Variants in PIP5K1B observed in about 807,000 individuals in gnomAD.
PIP5K1B encodes phosphatidylinositol-4-phosphate 5-kinase type 1 beta.
Under a neutral mutation model 67.0 loss-of-function variants are expected in PIP5K1B, and 42 were observed. That is an observed-to-expected ratio of 0.63 (90% CI 0.49 to 0.81). The LOEUF is 0.81. PIP5K1B is among the 30% of genes least tolerant of loss of function. PIP5K1B has a pLI of 0.00. For missense variants in PIP5K1B, 459 were observed against 646.3 expected (o/e 0.71, Z 3.14); for synonymous variants, 214 against 231.4 (o/e 0.92, Z 0.68).
intron 6 of PIP5K1B, among the ~76,000 whole-genome samples, chr9:68,879,275 G>T (rs4745359): frequency 0.93 from 141,431 of 152,254 alleles, 65,827 homozygotes; most frequent in Admixed American, 0.96. Flanking sequence ...CATACAAAAT[G>T]TGAATTAGAC....
chr9:68,858,496 T>C (rs780702176), intron 4 of PIP5K1B, among the ~76,000 whole-genome samples: 1 of 152,194 alleles, frequency 6.6e-6, no homozygotes, highest in Admixed American at 6.5e-5. Flanking sequence ...AAGGTCAGCT[T>C]GCTCAAAGGA....
intron 2 of PIP5K1B, among the ~76,000 whole-genome samples, chr9:68,816,853 T>G (rs1326035963): frequency 6.6e-6 from 1 of 152,050 alleles, no homozygotes; most frequent in Admixed American, 6.6e-5. Flanking sequence ...TAGGGGGAGC[T>G]CTCTTTCATA....
rs1824973840 is a variant in PIP5K1B, at chr9:68,894,436, A to G, written c.569A>G (p.Asn190Ser). Reference protein sequence around the residue: ...GINIRIVVMNNVLPRSMRMHF... With the variant: ...GINIRIVVMNSVLPRSMRMHF... ...AATATCAGGATTGTGGTGATGAACAACGTTTTGCCACGCTCCATGAGAATG... is the reference window on the plus strand; with the variant it reads ...AATATCAGGATTGTGGTGATGAACAGCGTTTTGCCACGCTCCATGAGAATG... The change falls in exon 8 of 16, where the codon AAC (asparagine) becomes AGC (serine). Residue 190 changes from asparagine (N) to serine (S), a missense_variant. Transcript: ENST00000265382. The G allele has an allele frequency of 1.2e-6, 2 of 1,614,106 alleles. No homozygotes were observed. Among genetic ancestry groups the G allele is most frequent in the Non-Finnish European group, 1.7e-6 (2 of 1,179,960 alleles).
intron 2 of PIP5K1B, among the ~76,000 whole-genome samples, chr9:68,815,265 A>T (rs1464598061): frequency 1.5e-4 from 7 of 47,956 alleles, no homozygotes; most frequent in Non-Finnish European, 4.8e-5. Context: ...TTTTGGTACT[A>T]TTAAAAAAAA....
intron 8 of PIP5K1B, among the ~76,000 whole-genome samples, chr9:68,915,293 GGTCATTCATT>G (rs1282846610): frequency 6.6e-6 from 1 of 151,684 alleles, no homozygotes; most frequent in African/African-American, 2.4e-5. Flanking sequence ...ATCTGCAAAT[GGTCATTCATT>G]GTGAAGAGTT....
At chr9:68,977,811 C>T (rs1324703051) in intron 14 of PIP5K1B, among the ~76,000 whole-genome samples, 1 of 151,828 alleles carries the variant, frequency 6.6e-6, no homozygotes, top group Non-Finnish European at 1.5e-5. Flanking sequence ...TGTACCACCA[C>T]ACCCAGCTAA....
chr9:68,822,859 A>G (rs1833797598), intron 4 of PIP5K1B, among the ~76,000 whole-genome samples, 176 bp downstream of exon 4: 1 of 152,198 alleles, frequency 6.6e-6, no homozygotes, highest in South Asian at 2.1e-4. Context: ...GCATTATCTT[A>G]TAGTTCAGTG....
intron 14 of PIP5K1B, among the ~76,000 whole-genome samples, chr9:68,958,628 C>G (rs760583794): frequency 6.6e-6 from 1 of 152,054 alleles, no homozygotes; most frequent in Non-Finnish European, 1.5e-5. Context: ...CTTTTTTTCT[C>G]CTATTCAATC....
At chr9:68,781,010 T>C (rs1239379591) in intron 2 of PIP5K1B, 1 of 1,613,358 alleles carries the variant, frequency 6.2e-7, no homozygotes, top group Non-Finnish European at 8.5e-7. Flanking sequence ...TTCCACTAGA[T>C]GAACTTTCGT....
At chr9:68,991,453 C>T (rs1830361563) in intron 15 of PIP5K1B, among the ~76,000 whole-genome samples, 196 bp downstream of exon 15, 1 of 152,204 alleles carries the variant, frequency 6.6e-6, no homozygotes, top group African/African-American at 2.4e-5. Flanking sequence ...AAAAGAACAT[C>T]TAGGTCAATA....
intron 14 of PIP5K1B, among the ~76,000 whole-genome samples, chr9:68,962,642 G>GAATTA (rs1459512741): frequency 6.6e-6 from 1 of 152,152 alleles, no homozygotes; most frequent in Non-Finnish European, 1.5e-5. Flanking sequence ...GGAACTCAGA[G>GAATTA]AATTAAAATT....
chr9:68,793,654 G>C (rs938209338), intron 2 of PIP5K1B, among the ~76,000 whole-genome samples: 1 of 152,072 alleles, frequency 6.6e-6, no homozygotes, highest in Non-Finnish European at 1.5e-5. Context: ...TTTTTTGGTG[G>C]GGGGAGGGGC....
At chr9:68,855,239 T>C (rs1273112946) in intron 4 of PIP5K1B, among the ~76,000 whole-genome samples, 1 of 152,196 alleles carries the variant, frequency 6.6e-6, no homozygotes, top group African/African-American at 2.4e-5. Context: ...TCTTCTACTG[T>C]GTTAGTCACT....
rs778125238 is a variant in PIP5K1B, at chr9:69,008,481, G to A, written c.*32G>A. On this transcript the variant is annotated 3_prime_UTR_variant, in exon 16 of 16. Coordinates refer to ENST00000265382, the MANE Select transcript of PIP5K1B (RefSeq NM_003558.4). Reference sequence around the variant, plus strand: ...ATGGTGATCACCTAAGCACATGGATGAGACGTGAGCACAGTTATGGCAGAG... The same window carrying A: ...ATGGTGATCACCTAAGCACATGGATAAGACGTGAGCACAGTTATGGCAGAG... The A allele has an allele frequency of 8.1e-6, 13 of 1,611,234 alleles. No homozygotes were observed. The highest frequency in any genetic ancestry group is 1.1e-5 in the Non-Finnish European group (13 of 1,177,340).
At chr9:68,763,391 G>A (rs1371390057) in intron 2 of PIP5K1B, among the ~76,000 whole-genome samples, 6 of 152,084 alleles carry the variant, frequency 3.9e-5, no homozygotes, top group Non-Finnish European at 1.5e-5. Context: ...TACCTTGTGG[G>A]GTTTTGTGAG....
At chr9:68,726,168 TGATA>T (rs1288706397) in intron 1 of PIP5K1B, among the ~76,000 whole-genome samples, 7 of 152,218 alleles carry the variant, frequency 4.6e-5, no homozygotes, top group Non-Finnish European at 8.8e-5. Context: ...ATGCTTGAGG[TGATA>T]GATATCCCAT....
chr9:68,718,603 C>A (rs942770192), intron 1 of PIP5K1B, among the ~76,000 whole-genome samples: 2 of 152,208 alleles, frequency 1.3e-5, no homozygotes, highest in African/African-American at 4.8e-5. Flanking sequence ...TTCCTGATTG[C>A]TTGCTCCTTT....
At chr9:68,780,258 C>A in intron 2 of PIP5K1B, 1 of 1,556,358 alleles carries the variant, frequency 6.4e-7, no homozygotes, top group Non-Finnish European at 8.6e-7. Context: ...CGGCGGGGGC[C>A]TCAGGAGGTC....
At chr9:68,793,082 T>TGTATATGTGTATACACATATA (rs1832074180) in intron 2 of PIP5K1B, among the ~76,000 whole-genome samples, 1 of 144,042 alleles carries the variant, frequency 6.9e-6, no homozygotes. Flanking sequence ...AGTGTGTATG[T>TGTATATGTGTATACACATATA]GTGTATGTGT....
Sources: allele counts gnomAD v4.1 joint callset (sites outside exome capture counted in the v4.1 genomes callset), GRCh38; gene constraint gnomAD v4.1.1; transcripts MANE v1.5; gene names NCBI Gene and HGNC (gene_info 2026-07-23, HGNC 2026-07-21).